Variants in WWOX observed in about 807,000 individuals in gnomAD.
WWOX encodes WW domain-containing oxidoreductase.
WWOX carries 69 observed loss-of-function variants against 46.2 expected under a neutral mutation model. The ratio of observed to expected loss-of-function variants is 1.49; its 90% confidence interval spans 1.23 to 1.82. The LOEUF is 1.82. Among genes scored for constraint, WWOX ranks in the 40% most tolerant of loss-of-function variants. The probability of loss-of-function intolerance (pLI) is 0.00; values close to 1 mark genes in which losing one functional copy is unlikely to be tolerated. For missense variants in WWOX, 919 were observed against 542.6 expected (o/e 1.69, Z -6.89); for synonymous variants, 359 against 202.6 (o/e 1.77, Z -6.56).
At position 78,757,006 on chromosome 16, in the gene WWOX, C is replaced by G. The variant is rs779152289; in HGVS notation, c.1056+324254C>G. The G allele has an allele frequency of 5.0e-4, 351 of 699,828 alleles. 1 individual carries two copies. Among genetic ancestry groups the G allele is most frequent in the Middle Eastern group, 1.4e-3 (6 of 4,350 alleles). 43.4% of individuals were successfully genotyped at this position (699,828 alleles called of 1,614,324 possible). On this transcript the variant is annotated intron_variant, in intron 8 of 8. Coordinates refer to ENST00000566780, the MANE Select transcript of WWOX (RefSeq NM_016373.4). ...CGTGTAGAAGAACTGAGCCTCCTGC[C>G]AACAGCCATGTGAGTGAACCACGTT...
At chr16:78,522,977 C>A (rs1412411468) in intron 8 of WWOX, among the ~76,000 whole-genome samples, 1 of 152,130 alleles carries the variant, frequency 6.6e-6, no homozygotes, top group African/African-American at 2.4e-5. Context: ...GAGGCTGAGG[C>A]AGGAGAATTG....
intron 8 of WWOX, among the ~76,000 whole-genome samples, chr16:79,014,375 C>G (rs1364737137): frequency 6.6e-6 from 1 of 152,066 alleles, no homozygotes; most frequent in Non-Finnish European, 1.5e-5. Flanking sequence ...TTCTATTGTC[C>G]CCGAATGGAA....
intron 8 of WWOX, among the ~76,000 whole-genome samples, chr16:78,907,029 A>T (rs1022829477): frequency 6.6e-6 from 1 of 152,180 alleles, no homozygotes; most frequent in Non-Finnish European, 1.5e-5. Flanking sequence ...GGGAATTGCA[A>T]TAGGGAAAGA....
At chr16:78,764,693 C>T (rs1227319522) in intron 8 of WWOX, among the ~76,000 whole-genome samples, 2 of 150,518 alleles carry the variant, frequency 1.3e-5, no homozygotes, top group Non-Finnish European at 2.9e-5. Flanking sequence ...TCAGTTTCCT[C>T]ATCTGCAAAA....
chr16:78,413,818 T>C (rs1475240289), intron 6 of WWOX, among the ~76,000 whole-genome samples: 1 of 151,986 alleles, frequency 6.6e-6, no homozygotes, highest in Admixed American at 6.6e-5. Context: ...GGGGCCACCG[T>C]GTTGTCAGAA....
At chr16:78,607,743 A>G (rs1463128591) in intron 8 of WWOX, among the ~76,000 whole-genome samples, 1 of 151,246 alleles carries the variant, frequency 6.6e-6, no homozygotes, top group African/African-American at 2.4e-5. Context: ...GGTCAAGGGC[A>G]GAGTGTGCTG....
chr16:78,628,209 C>T (rs192047805), intron 8 of WWOX, among the ~76,000 whole-genome samples: 244 of 152,272 alleles, frequency 1.6e-3, no homozygotes, highest in African/African-American at 5.7e-3. Context: ...AGTGATGCTA[C>T]CTTGAGTGGA....
intron 8 of WWOX, chr16:78,551,651 C>A (rs1034784948): frequency 6.7e-6 from 1 of 149,024 alleles, no homozygotes; most frequent in Admixed American, 6.6e-5. Flanking sequence ...ACTGCCCCCG[C>A]CCCACCTGCC....
At chr16:78,230,665 G>T (rs2037231042) in intron 5 of WWOX, among the ~76,000 whole-genome samples, 1 of 152,194 alleles carries the variant, frequency 6.6e-6, no homozygotes, top group Non-Finnish European at 1.5e-5. Context: ...TGGAAAAGTT[G>T]TTTTCTCCTG....
chr16:78,802,915 GAAAAAAAAA>G (rs71376394), intron 8 of WWOX, among the ~76,000 whole-genome samples: 1 of 10,442 alleles, frequency 9.6e-5, no homozygotes, highest in African/African-American at 3.2e-4. Context: ...GACTTCATCT[GAAAAAAAAA>G]AAAAAAAAAA....
chr16:78,526,765 G>C (rs921156183), intron 8 of WWOX, among the ~76,000 whole-genome samples: 1 of 152,188 alleles, frequency 6.6e-6, no homozygotes, highest in African/African-American at 2.4e-5. Context: ...GAGGGCAACA[G>C]GGGCAGTGGG....
At chr16:78,842,890 A>G (rs1248061383) in intron 8 of WWOX, among the ~76,000 whole-genome samples, 2 of 149,926 alleles carry the variant, frequency 1.3e-5, no homozygotes, top group African/African-American at 2.4e-5. Context: ...GGGGATAAAG[A>G]TAGACTTAAA....
chr16:78,579,860 G>A lies in WWOX; in HGVS notation c.1056+147108G>A, dbSNP rs149383840. Among the ~76,000 whole-genome samples, 28 of 152,216 alleles carry A rather than the reference G, an allele frequency of 1.8e-4. No individual in the cohort carries two copies. In the East Asian group the frequency reaches 5.4e-3, roughly 29 times the overall value. On this transcript the variant is annotated intron_variant, in intron 8 of 8. Transcript: ENST00000566780. ...ATGTCTCTTCTTCTGAAATGAGGCT[G>A]CCTCGAAGACTCACTGGAACCCAAG...
At chr16:78,473,827 AGCT>A (rs1228516700) in intron 8 of WWOX, among the ~76,000 whole-genome samples, 10 of 152,156 alleles carry the variant, frequency 6.6e-5, no homozygotes, top group African/African-American at 2.4e-4. Context: ...AAGATGATCC[AGCT>A]GTTGCATGGT....
intron 8 of WWOX, among the ~76,000 whole-genome samples, chr16:78,889,433 C>T (rs1251279127): frequency 2.1e-5 from 3 of 144,606 alleles, no homozygotes; most frequent in Non-Finnish European, 4.5e-5. Context: ...CAATGAAACG[C>T]GAGCCGACTT....
At chr16:78,190,294 A>G (rs577364153) in intron 5 of WWOX, among the ~76,000 whole-genome samples, 1 of 152,250 alleles carries the variant, frequency 6.6e-6, no homozygotes, top group African/African-American at 2.4e-5. Flanking sequence ...CCACAGGGAG[A>G]CAGTAAGAAA....
chr16:78,624,393 G>A (rs2046262430), intron 8 of WWOX, among the ~76,000 whole-genome samples: 2 of 152,182 alleles, frequency 1.3e-5, no homozygotes, highest in South Asian at 4.2e-4. Context: ...GAAACAAGAC[G>A]AAGATTTGGA....
chr16:79,204,294 C>T (rs184304435), intron 8 of WWOX: 8 of 152,234 alleles, frequency 5.3e-5, no homozygotes, highest in African/African-American at 1.9e-4. Flanking sequence ...GAGACAGCCT[C>T]TCAGGTCCGG....
At chr16:78,788,495 C>G (rs1296882788) in intron 8 of WWOX, among the ~76,000 whole-genome samples, 1 of 152,128 alleles carries the variant, frequency 6.6e-6, no homozygotes, top group South Asian at 2.1e-4. Context: ...TCATGAAGCT[C>G]CCATAAAAAC....
Sources: allele counts gnomAD v4.1 joint callset (sites outside exome capture counted in the v4.1 genomes callset), GRCh38; gene constraint gnomAD v4.1.1; transcripts MANE v1.5; gene names NCBI Gene and HGNC (gene_info 2026-07-23, HGNC 2026-07-21).